The following TAF8 variants were observed in gnomAD, a reference collection of about 807,000 sequenced individuals.
TAF8 encodes TATA-box binding protein associated factor 8.
In TAF8, 47 loss-of-function variants were observed where a neutral mutation model predicts 36.5. The ratio of observed to expected loss-of-function variants is 1.29; its 90% CI spans 1.02 to 1.64. TAF8 has a LOEUF of 1.64. Among genes scored for constraint, TAF8 ranks in the 40% most tolerant of loss-of-function variants. The pLI is 0.00. For missense variants in TAF8, 420 were observed against 407.6 expected (o/e 1.03, Z -0.26); for synonymous variants, 175 against 159.5 (o/e 1.10, Z -0.73).
chr6:42,074,957 C>T (rs1024276052), intron 7 of TAF8, among the ~76,000 whole-genome samples: 5 of 151,978 alleles, frequency 3.3e-5, no homozygotes, highest in African/African-American at 1.2e-4. Context: ...TGCCGTCCTG[C>T]TCTTGTGAGC....
rs1285078088 is a variant in TAF8 at position 42,082,292 on chromosome 6, T to C, written c.*4747T>C. 6.6e-6 allele frequency: 1 copy of C among 152,330 alleles called. No individual in the cohort carries two copies. Among genetic ancestry groups the C allele is most frequent in the Non-Finnish European group, 1.5e-5 (1 of 68,052 alleles). The allele number at this position is 152,330 out of a possible 1,614,324, so 9.4% of individuals were successfully genotyped here. A position where few individuals can be genotyped will look rare whatever the true frequency, so the allele number is the denominator to read the frequency against. Reference sequence around the variant, plus strand: ...CAGCCACTACTCTGTTCTCTATCTCTAATGTTATTGAAAGAATGTTATAAA... The same window carrying C: ...CAGCCACTACTCTGTTCTCTATCTCCAATGTTATTGAAAGAATGTTATAAA... On this transcript the variant is annotated 3_prime_UTR_variant, in exon 9 of 9. Transcript: ENST00000372977.
intron 5 of TAF8, among the ~76,000 whole-genome samples, chr6:42,062,995 C>T (rs1445121904): frequency 6.6e-6 from 1 of 152,184 alleles, no homozygotes; most frequent in Non-Finnish European, 1.5e-5. Flanking sequence ...ACTAGGGACC[C>T]ACCTTACCTT....
At chr6:42,071,940 C>G (rs1765594223) in intron 7 of TAF8, among the ~76,000 whole-genome samples, 1 of 152,142 alleles carries the variant, frequency 6.6e-6, no homozygotes, top group Non-Finnish European at 1.5e-5. Context: ...CCTGAGGACT[C>G]TTGAATACCA....
Position 42,059,512 on chromosome 6 carries a change from A to G in TAF8, c.489+1999A>G. 1.3e-5 allele frequency among the ~76,000 whole-genome samples: 2 copies of G among 152,152 alleles called. 1 individual carries two copies. Among genetic ancestry groups the G allele is most frequent in the Admixed American group, 1.3e-4 (2 of 15,276 alleles). Reference sequence around the variant, plus strand: ...CTGGGTGGTGCCAGCTGATCCATCAAGTGCAAGGTGTCTCAACACTGATCT... The same window carrying G: ...CTGGGTGGTGCCAGCTGATCCATCAGGTGCAAGGTGTCTCAACACTGATCT... On this transcript the variant is annotated intron_variant, in intron 5 of 8. Transcript: ENST00000372977.
intron 7 of TAF8, among the ~76,000 whole-genome samples, chr6:42,069,802 TAAG>T (rs1765497503): frequency 6.6e-6 from 1 of 152,056 alleles, no homozygotes; most frequent in Non-Finnish European, 1.5e-5. Flanking sequence ...TGAGTGAGGA[TAAG>T]AAGAGGAGGC....
chr6:42,056,064 T>G lies in TAF8; in HGVS notation c.364+50T>G, dbSNP rs12664954. 97 of 1,191,668 alleles carry G rather than the reference T, an allele frequency of 8.1e-5. No homozygotes were observed. The East Asian group carries it at 2.2e-3, about 27-fold the overall frequency. The allele number at this position is 1,191,668 out of a possible 1,614,324, so 73.8% of individuals were successfully genotyped here. On this transcript the variant is annotated intron_variant, in intron 4 of 8. Transcript: ENST00000372977. ...TTAGCAATTTTTCAATTAATGCTTG[T>G]GGAATGAAGTAATTGAATATGGTAG...
chr6:42,071,311 C>CT (rs70987566), intron 7 of TAF8: 1,978 of 121,422 alleles, frequency 0.016, 92 homozygotes, highest in Non-Finnish European at 0.022. Context: ...CCTGGACATA[C>CT]TTTTTTTTTT....
chr6:42,055,555 C>CCAAGTCT lies in TAF8; in HGVS notation c.228_234dup (p.Tyr79GlnfsTer5). On this transcript the variant is annotated frameshift_variant, in exon 3 of 9. Coordinates refer to ENST00000372977, the MANE Select transcript of TAF8 (RefSeq NM_138572.3). LOFTEE classifies it high-confidence loss of function. ...GACATTTCAGAAATTGGGAGAAGTG[C>CCAAGTCT]CAAGTCTTACTGTGAGCACACAGCC... 6.2e-7 allele frequency: 1 copy of CCAAGTCT among 1,614,104 alleles called. No individual in the cohort carries two copies. Among genetic ancestry groups the CCAAGTCT allele is most frequent in the South Asian group, 1.1e-5 (1 of 91,084 alleles).
Position 42,066,417 on chromosome 6 carries a change from G to T in TAF8, c.595G>T (p.Glu199Ter). The T allele has an allele frequency of 1.2e-6, 2 of 1,614,230 alleles. No individual in the cohort carries two copies. The highest frequency in any genetic ancestry group is 1.7e-6 in the Non-Finnish European group (2 of 1,180,044). Reference protein sequence around the residue: ...ALTRFMAKTGETQSLFKDDVS... With the variant: ...ALTRFMAKTG ...TACCCGTTTCATGGCCAAGACAGGCGAGACTCAGAGTCTTTTCAAAGATGA... is the reference window on the plus strand; with the variant it reads ...TACCCGTTTCATGGCCAAGACAGGCTAGACTCAGAGTCTTTTCAAAGATGA... The change falls in exon 6 of 9, where the codon GAG becomes TAG. Residue 199 changes from glutamate to a stop codon, truncating the protein, a stop_gained. Coordinates refer to ENST00000372977, the MANE Select transcript of TAF8 (RefSeq NM_138572.3). LOFTEE classifies it high-confidence loss of function.
In TAF8 at chr6:42,055,519, A is replaced by G. The variant is rs1764946815; in HGVS notation, c.203-12A>G. ...ACTGAGAATAAGTTTTATGCCTTTA[A>G]TCCCCTCTTAGACATTTCAGAAATT... On this transcript the variant is annotated splice_polypyrimidine_tract_variant and intron_variant, in intron 2 of 8. Transcript: ENST00000372977. The G allele has an allele frequency of 1.9e-6, 3 of 1,593,990 alleles. No homozygotes were observed. Among genetic ancestry groups the G allele is most frequent in the Non-Finnish European group, 2.6e-6 (3 of 1,161,928 alleles).
chr6:42,080,338 G>A lies in TAF8; in HGVS notation c.*2793G>A, dbSNP rs1219260312. On this transcript the variant is annotated 3_prime_UTR_variant, in exon 9 of 9. Coordinates refer to ENST00000372977, the MANE Select transcript of TAF8 (RefSeq NM_138572.3). The stretch of plus-strand genomic sequence containing the variant: ...GAAAAGGGCTGCTATTTCTGCTGTT[G>A]AGATTTCAGAGGCTATACTCTTTTT... 4 of 989,680 alleles carry A rather than the reference G, an allele frequency of 4.0e-6. No individual in the cohort carries two copies. The highest frequency in any genetic ancestry group is 4.8e-6 in the Non-Finnish European group (4 of 833,038). The allele number at this position is 989,680 out of a possible 1,614,324, so 61.3% of individuals were successfully genotyped here.
At chr6:42,058,609 A>G (rs1765087267) in intron 5 of TAF8, among the ~76,000 whole-genome samples, 1 of 152,128 alleles carries the variant, frequency 6.6e-6, no homozygotes, top group Non-Finnish European at 1.5e-5. Context: ...GCATTTTTCC[A>G]TACCTTAGGG....
chr6:42,077,363 A>G (rs1765789599), intron 8 of TAF8, 124 bp downstream of exon 8: 1 of 1,498,424 alleles, frequency 6.7e-7, no homozygotes, highest in South Asian at 1.3e-5. Context: ...GAGAGGGAAT[A>G]GTCTCCCTTT....
intron 7 of TAF8, among the ~76,000 whole-genome samples, chr6:42,075,354 G>A (rs925079449): frequency 7.2e-5 from 11 of 152,176 alleles, no homozygotes; most frequent in Non-Finnish European, 1.5e-4. Context: ...ACTGGATTGG[G>A]TGCTGGAGAG....
In TAF8 at chr6:42,055,645, GT is replaced by G; in HGVS notation, c.301+19del. The G allele has an allele frequency of 6.3e-7, 1 of 1,598,480 alleles. No homozygotes were observed. Among genetic ancestry groups the G allele is most frequent in the Non-Finnish European group, 8.6e-7 (1 of 1,165,628 alleles). On this transcript the variant is annotated intron_variant, in intron 3 of 8. Coordinates refer to ENST00000372977, the MANE Select transcript of TAF8 (RefSeq NM_138572.3). ...GTTGAGATGGGTGAGTATACCTTCAGTTTCCAGTTCTTCGATGCAACTGGGA... is the reference window on the plus strand; with the variant it reads ...GTTGAGATGGGTGAGTATACCTTCAGTTCCAGTTCTTCGATGCAACTGGGA...
chr6:42,085,066 T>C (rs905318682), downstream of TAF8, among the ~76,000 whole-genome samples: 5 of 152,334 alleles, frequency 3.3e-5, no homozygotes, highest in Non-Finnish European at 4.4e-5. Context: ...TTCTGAAGCA[T>C]CCTCTAGAGG....
At chr6:42,070,204 A>G (rs1276556909) in intron 7 of TAF8, among the ~76,000 whole-genome samples, 1 of 152,024 alleles carries the variant, frequency 6.6e-6, no homozygotes, top group Non-Finnish European at 1.5e-5. Context: ...AAATAAAACT[A>G]AAGGCCGGGC....
intron 1 of TAF8, chr6:42,050,896 A>G (rs991989222): frequency 8.4e-7 from 1 of 1,193,688 alleles, no homozygotes; most frequent in Non-Finnish European, 1.0e-6. Context: ...CCCGTTTCAA[A>G]ATATTTAGCT....
chr6:42,052,472 C>T (rs1293131082), intron 2 of TAF8, among the ~76,000 whole-genome samples: 1 of 152,142 alleles, frequency 6.6e-6, no homozygotes, highest in African/African-American at 2.4e-5. Flanking sequence ...TAGGCGTGCA[C>T]CACCACGCCT....
Sources: allele counts gnomAD v4.1 joint callset (sites outside exome capture counted in the v4.1 genomes callset), GRCh38; gene constraint gnomAD v4.1.1; transcripts MANE v1.5; gene names NCBI Gene and HGNC (gene_info 2026-07-23, HGNC 2026-07-21).